Variants in NINJ2 observed in about 807,000 individuals in gnomAD.
NINJ2 encodes ninjurin 2, also known as ninjurin-2.
NINJ2 carries 12 observed loss-of-function variants against 11.7 expected under a neutral mutation model. The observed-to-expected ratio is 1.02, with a 90% CI of 0.66 to 1.66. The LOEUF is 1.66. Among genes scored for constraint, NINJ2 ranks in the 40% most tolerant of loss-of-function variants. The pLI is 0.00. For missense variants in NINJ2, 187 were observed against 181.8 expected (o/e 1.03, Z -0.16); for synonymous variants, 93 against 76.8 (o/e 1.21, Z -1.10).
chr12:572,476 T>A (rs924612979), intron 1 of NINJ2, among the ~76,000 whole-genome samples: 1 of 152,084 alleles, frequency 6.6e-6, no homozygotes, highest in African/African-American at 2.4e-5. Flanking sequence ...AGGGAAAGGG[T>A]GGGTCCCAGC....
intron 1 of NINJ2, among the ~76,000 whole-genome samples, chr12:630,597 G>C (rs1193618313): frequency 1.3e-5 from 2 of 152,150 alleles, no homozygotes; most frequent in Non-Finnish European, 2.9e-5. Context: ...GGCTGGTCTC[G>C]AACTCCTGGC....
At chr12:578,801 A>G (rs1164266294) in intron 1 of NINJ2, among the ~76,000 whole-genome samples, 2 of 152,136 alleles carry the variant, frequency 1.3e-5, no homozygotes, top group Non-Finnish European at 2.9e-5. Context: ...AATGGATCCA[A>G]ACTGTCTTTT....
At chr12:601,802 G>A (rs1403334519) in intron 1 of NINJ2, among the ~76,000 whole-genome samples, 1 of 152,154 alleles carries the variant, frequency 6.6e-6, no homozygotes, top group Non-Finnish European at 1.5e-5. Context: ...GGAGGCGGAG[G>A]TTGCAGTGAA....
At position 628,954 on chromosome 12, in the gene NINJ2, G is replaced by T. The variant is rs1222312322; in HGVS notation, c.33+34374C>A. Among the ~76,000 whole-genome samples, 1 of 152,146 alleles carries T rather than the reference G, an allele frequency of 6.6e-6. No individual in the cohort carries two copies. The highest frequency in any genetic ancestry group is 1.9e-4 in the East Asian group (1 of 5,202). On this transcript the variant is annotated intron_variant, in intron 1 of 3. Transcript: ENST00000305108. The surrounding 1 kb of genome is among the most constrained non-coding windows in gnomAD (Gnocchi z 4.4). ...TCCATCTCCTTCCCAAAAAGCTCAT[G>T]AATAACCCACCCCTTGTTTAGCATA...
rs113972771 is a variant in NINJ2 at position 609,196 on chromosome 12, A to G, written c.34-43018T>C. Reference sequence around the variant, plus strand: ...GCGCCACGCGCTAGGTGCTGAACGCACACGCACGGCGCCACGCGCTAGGGG... The same window carrying G: ...GCGCCACGCGCTAGGTGCTGAACGCGCACGCACGGCGCCACGCGCTAGGGG... On this transcript the variant is annotated intron_variant, in intron 1 of 3. Transcript: ENST00000305108. Among the ~76,000 whole-genome samples, 557 of 37,850 alleles carry G rather than the reference A, an allele frequency of 0.015. 52 individuals are homozygous for G. The South Asian group carries it at 0.2, about 14-fold the overall frequency. The allele number at this position is 37,850 out of a possible 152,430, so 24.8% of individuals were successfully genotyped here.
chr12:652,132 T>C (rs1937804641), intron 1 of NINJ2, among the ~76,000 whole-genome samples: 1 of 151,356 alleles, frequency 6.6e-6, no homozygotes, highest in East Asian at 1.9e-4. Context: ...CCTAAAGAGC[T>C]ACAAAAAAAT....
chr12:586,064 G>A (rs1592079420), intron 1 of NINJ2: 2 of 152,132 alleles, frequency 1.3e-5, no homozygotes, highest in Non-Finnish European at 2.9e-5. Context: ...CAGTAAAAAG[G>A]AACATATGGG....
At chr12:636,853 T>C (rs750271220) in intron 1 of NINJ2, among the ~76,000 whole-genome samples, 2 of 152,096 alleles carry the variant, frequency 1.3e-5, no homozygotes, top group Non-Finnish European at 2.9e-5. Context: ...CTCAAAAAGT[T>C]AGAGAATTAC....
At chr12:644,622 A>G (rs908473077) in intron 1 of NINJ2, 1 of 152,186 alleles carries the variant, frequency 6.6e-6, no homozygotes, top group Non-Finnish European at 1.5e-5. Flanking sequence ...TTTCACCGTT[A>G]GACGTTATAA....
At chr12:607,676 C>G (rs1947958220) in intron 1 of NINJ2, among the ~76,000 whole-genome samples, 1 of 152,168 alleles carries the variant, frequency 6.6e-6, no homozygotes, top group Admixed American at 6.6e-5. Context: ...TGAGCTAATG[C>G]CACCTTTCTC....
intron 1 of NINJ2, among the ~76,000 whole-genome samples, chr12:634,548 C>T (rs1185400760): frequency 1.3e-5 from 2 of 151,536 alleles, no homozygotes; most frequent in Admixed American, 6.6e-5. Flanking sequence ...CATGGGCCAC[C>T]GCGCCCGGCC....
At chr12:638,372 C>G (rs1193084726) in intron 1 of NINJ2, among the ~76,000 whole-genome samples, 1 of 152,224 alleles carries the variant, frequency 6.6e-6, no homozygotes, top group East Asian at 1.9e-4. Flanking sequence ...TAAATCCGAT[C>G]TTTTCACCCA....
intron 1 of NINJ2, among the ~76,000 whole-genome samples, chr12:608,382 A>C (rs923484305): frequency 2.0e-5 from 3 of 152,190 alleles, no homozygotes; most frequent in African/African-American, 7.2e-5. Flanking sequence ...AACACTTAAT[A>C]ATGTGCTTAT....
chr12:623,672 T>G (rs1948180249), intron 1 of NINJ2, among the ~76,000 whole-genome samples: 1 of 152,208 alleles, frequency 6.6e-6, no homozygotes, highest in Non-Finnish European at 1.5e-5. Flanking sequence ...CTGCTAGGTT[T>G]GGCTGAGGTG....
At chr12:629,896 A>ATATAT (rs1555166136) in intron 1 of NINJ2, among the ~76,000 whole-genome samples, 12 of 9,906 alleles carry the variant, frequency 1.2e-3, no homozygotes, top group African/African-American at 1.7e-3. Context: ...AAAAAAAAAA[A>ATATAT]ATATATATAT....
At chr12:568,554 C>T (rs991617849) in intron 1 of NINJ2, among the ~76,000 whole-genome samples, 4 of 152,206 alleles carry the variant, frequency 2.6e-5, no homozygotes, top group East Asian at 1.9e-4. Flanking sequence ...GCCTGTGCCC[C>T]GCAGGCTGCC....
At chr12:617,070 G>A (rs754729862) in intron 1 of NINJ2, among the ~76,000 whole-genome samples, 36 of 152,214 alleles carry the variant, frequency 2.4e-4, no homozygotes, top group Non-Finnish European at 5.0e-4. Context: ...GCCAGACGTG[G>A]TGGCGCACAC....
At chr12:599,822 C>T (rs1404159079) in intron 1 of NINJ2, among the ~76,000 whole-genome samples, 1 of 152,182 alleles carries the variant, frequency 6.6e-6, no homozygotes, top group Non-Finnish European at 1.5e-5. Context: ...GGGGGGCTCA[C>T]ATTCCTCCCC....
chr12:649,443 G>T (rs943664426), intron 1 of NINJ2, among the ~76,000 whole-genome samples: 2 of 151,366 alleles, frequency 1.3e-5, no homozygotes, highest in Non-Finnish European at 2.9e-5. Context: ...CACTTAAAAG[G>T]AGATGCCTAC....
Sources: gnomAD v4.1 joint callset for allele counts (sites outside exome capture counted in the v4.1 genomes callset) on GRCh38, gnomAD v4.1.1 for gene constraint, Gnocchi (gnomAD v3.1) non-coding constraint, MANE v1.5 for transcripts, NCBI Gene and HGNC (gene_info 2026-07-23, HGNC 2026-07-21) for gene names.